OTUD4: variants seen among roughly 807,000 people sequenced by gnomAD.
OTUD4 encodes the protein OTU domain-containing protein 4.
Under a neutral mutation model 130.4 loss-of-function variants are expected in OTUD4, and 24 were observed. The ratio of observed to expected loss-of-function variants is 0.18; its 90% CI spans 0.13 to 0.26. OTUD4 has a LOEUF of 0.26. Ranked by LOEUF, OTUD4 falls within the 10% of genes least tolerant of loss-of-function variation. The probability of loss-of-function intolerance (pLI) is 1.00; values close to 1 mark genes in which losing one functional copy is unlikely to be tolerated. For synonymous variants in OTUD4, 420 were observed against 472.5 expected (o/e 0.89, Z 1.44); for missense variants, 1,031 against 1,329.4 (o/e 0.78, Z 3.49).
At chr4:145,156,950 T>A (rs1396873357) in intron 7 of OTUD4, among the ~76,000 whole-genome samples, 1 of 152,114 alleles carries the variant, frequency 6.6e-6, no homozygotes, top group Admixed American at 6.6e-5. Flanking sequence ...CACCCAAGTA[T>A]ACAGAGGGCC....
Position 145,141,394 on chromosome 4 carries a change from C to G in OTUD4, c.2068G>C (p.Glu690Gln). ...VPPYSLCQTG[E>Q]DLPKDKNILR... ...AGGAGCTCACCTTTAGGTAGGTCCT[C>G]CCCAGTCTGACACAGTGAATAAGGT... The change falls in exon 19 of 21, where the codon GAG becomes CAG. Residue 690 changes from glutamate to glutamine, a missense_variant. Coordinates refer to ENST00000447906, the MANE Select transcript of OTUD4 (RefSeq NM_001366057.1). 6.2e-7 allele frequency: 1 copy of G among 1,608,096 alleles called. No individual in the cohort carries two copies. Among genetic ancestry groups the G allele is most frequent in the South Asian group, 1.1e-5 (1 of 89,890 alleles).
At chr4:145,140,135 C>CTGT (rs1467923967) in intron 19 of OTUD4, 144 bp from the exon 20 acceptor site, 4 of 352,636 alleles carry the variant, frequency 1.1e-5, no homozygotes, top group Non-Finnish European at 2.1e-5. Flanking sequence ...TAGATAAAAA[C>CTGT]TGTAATATAA....
intron 10 of OTUD4, among the ~76,000 whole-genome samples, chr4:145,154,559 GTTTTGT>G (rs1469991806): frequency 6.6e-6 from 1 of 152,156 alleles, no homozygotes; most frequent in Admixed American, 6.5e-5. Flanking sequence ...GTATGTGGGG[GTTTTGT>G]TTTTGTTTTT....
At chr4:145,179,686 G>A (rs1752598099) in intron 1 of OTUD4, 129 bp downstream of exon 1, 3 of 1,406,936 alleles carry the variant, frequency 2.1e-6, no homozygotes, top group African/African-American at 1.5e-5. Flanking sequence ...ATGGGGCGCT[G>A]TGACGACAGC....
Position 145,138,364 on chromosome 4 carries a change from C to T in OTUD4, c.2411G>A (p.Ser804Asn). 6.2e-7 allele frequency: 1 copy of T among 1,614,170 alleles called. No individual in the cohort carries two copies. Among genetic ancestry groups the T allele is most frequent in the Non-Finnish European group, 8.5e-7 (1 of 1,180,012 alleles). ...AGCCTGGTAAGACAATTGTCCATGA[C>T]TTTCAGACACCTGAGATGGAGGGAT... is the stretch of plus-strand genomic sequence containing the variant. ...LVIPPSQVSE[S>N]HGQLSYQADL... is the part of the protein sequence containing the mutation. Residue 804 changes from serine to asparagine, a missense_variant, in exon 21 of 21, where the codon AGT (serine) becomes AAT (asparagine). Physicochemically the swap from Ser to Asn is conservative, Grantham distance 46. Around this residue, in one of 3 missense-constraint regions of OTUD4, gnomAD observed 900 missense variants for 1,095.9 expected, o/e 0.82. Transcript: ENST00000447906.
intron 7 of OTUD4, chr4:145,159,221 C>T (rs1751437021): frequency 8.6e-7 from 1 of 1,156,204 alleles, no homozygotes; most frequent in African/African-American, 1.6e-5. Flanking sequence ...ACAATACACA[C>T]ACATATAGGT....
chr4:145,155,829 C>G (rs1319148366), intron 8 of OTUD4, 107 bp downstream of exon 8: 7 of 1,030,034 alleles, frequency 6.8e-6, no homozygotes, highest in East Asian at 2.5e-5. Flanking sequence ...AGTAGATGAT[C>G]CTGACTTGAC....
At chr4:145,166,758 T>G (rs1045811646) in intron 3 of OTUD4, among the ~76,000 whole-genome samples, 1 of 152,112 alleles carries the variant, frequency 6.6e-6, no homozygotes, top group African/African-American at 2.4e-5. Context: ...GAGAACCACT[T>G]GAAGCTGGGA....
intron 20 of OTUD4, among the ~76,000 whole-genome samples, chr4:145,138,893 T>C (rs968181201): frequency 7.9e-5 from 12 of 152,220 alleles, no homozygotes; most frequent in African/African-American, 2.9e-4. Context: ...CATAGGTTGA[T>C]AGGAGATAGT....
chr4:145,147,251 A>AT (rs895738092), intron 13 of OTUD4, among the ~76,000 whole-genome samples: 7 of 151,504 alleles, frequency 4.6e-5, no homozygotes, highest in Admixed American at 3.3e-4. Flanking sequence ...ATGTTATCTG[A>AT]TTTTTTTTTA....
At chr4:145,163,990 G>A (rs567879692) in intron 5 of OTUD4, among the ~76,000 whole-genome samples, 164 bp downstream of exon 5, 36 of 152,246 alleles carry the variant, frequency 2.4e-4, no homozygotes, top group African/African-American at 7.7e-4. Flanking sequence ...TTACAGGCAT[G>A]AGCCACCGCA....
chr4:145,171,706 T>C lies in OTUD4; in HGVS notation c.258A>G (p.Ser86=). Residue 86 remains serine, a synonymous_variant, in exon 3 of 21, where the codon TCA becomes TCG. Transcript: ENST00000447906. ...CCAAACGCTTTAAATATTCTTCAAA[T>C]GATCCTTCTATAAACTGCAAAAAAT... is the stretch of plus-strand genomic sequence containing the variant. ...REKFEAFIEG[S]FEEYLKRLEN... The C allele has an allele frequency of 2.2e-6, 3 of 1,370,258 alleles. No individual in the cohort carries two copies. Among genetic ancestry groups the C allele is most frequent in the East Asian group, 2.3e-5 (1 of 43,568 alleles). 84.9% of individuals were successfully genotyped at this position (1,370,258 alleles called of 1,614,324 possible). A position where few individuals can be genotyped will look rare whatever the true frequency, so the allele number is the denominator to read the frequency against.
Position 145,138,136 on chromosome 4 carries a change from A to G in OTUD4, c.2639T>C (p.Ile880Thr). Residue 880 changes from isoleucine (I) to threonine (T), a missense_variant, in exon 21 of 21, where the codon ATT (isoleucine) becomes ACT (threonine). Ile to Thr is a moderately conservative substitution (Grantham distance 89). This residue lies in a region of OTUD4 where 900 missense variants were observed against 1,095.9 expected (regional missense o/e 0.82). Transcript: ENST00000447906. ...FIENPVMRQN[I>T]VLPSDEKGEL... Reference sequence around the variant, plus strand: ...TCCTTTTTCATCAGAGGGCAGGACAATATTCTGCCTCATTACTGGATTTTC... The same window carrying G: ...TCCTTTTTCATCAGAGGGCAGGACAGTATTCTGCCTCATTACTGGATTTTC... The G allele has an allele frequency of 6.2e-7, 1 of 1,613,822 alleles. No individual in the cohort carries two copies.
chr4:145,148,136 AC>A (rs891621514), intron 13 of OTUD4, among the ~76,000 whole-genome samples: 1 of 152,200 alleles, frequency 6.6e-6, no homozygotes, highest in African/African-American at 2.4e-5. Flanking sequence ...ATACCAAGTA[AC>A]ACATATAGCT....
At chr4:145,155,383 C>A (rs372150223) in intron 10 of OTUD4, 28 bp downstream of exon 10, 16 of 1,576,966 alleles carry the variant, frequency 1.0e-5, no homozygotes, top group South Asian at 4.6e-5. Flanking sequence ...CAAGTAAAAT[C>A]TCTTCTTCTT....
chr4:145,156,060 C>T, intron 7 of OTUD4, 64 bp from the exon 8 acceptor site: 2 of 1,280,520 alleles, frequency 1.6e-6, no homozygotes, highest in East Asian at 2.3e-5. Flanking sequence ...ACCTTCTAAC[C>T]TCATCTAAAC....
At position 145,136,095 on chromosome 4, in the gene OTUD4, A is replaced by C. The variant is rs1232467289; in HGVS notation, c.*1335T>G. 1 of 152,602 alleles carries C rather than the reference A, an allele frequency of 6.6e-6. No individual in the cohort carries two copies. Among genetic ancestry groups the C allele is most frequent in the African/African-American group, 2.4e-5 (1 of 41,452 alleles). The allele number at this position is 152,602 out of a possible 1,614,324, so 9.5% of individuals were successfully genotyped here. On this transcript the variant is annotated 3_prime_UTR_variant, in exon 21 of 21. Coordinates refer to ENST00000447906, the MANE Select transcript of OTUD4 (RefSeq NM_001366057.1). ...AACTTCCTGATCAGAAGATAATCTC[A>C]ACATAATAAAAGAGTGGATTTTCAC...
chr4:145,159,947 A>G lies in OTUD4; in HGVS notation c.497-312T>C, dbSNP rs78731153. Among the ~76,000 whole-genome samples, 20 of 152,332 alleles carry G rather than the reference A, an allele frequency of 1.3e-4. No homozygotes were observed. In the East Asian group the frequency reaches 2.9e-3, roughly 22 times the overall value. The stretch of plus-strand genomic sequence containing the variant: ...CAACAGGAAAAGCCAAAACACACAC[A>G]CTGAGCAATTATTACTACTACATTC... On this transcript the variant is annotated intron_variant, in intron 6 of 20. Transcript: ENST00000447906.
chr4:145,164,315 C>T (rs529070285), intron 4 of OTUD4, 89 bp from the exon 5 acceptor site: 68 of 625,428 alleles, frequency 1.1e-4, no homozygotes, highest in African/African-American at 1.1e-3. Context: ...GGGCCTAATA[C>T]GTGCCAGGCA....
Sources: gnomAD v4.1 joint callset for allele counts (sites outside exome capture counted in the v4.1 genomes callset) on GRCh38, gnomAD v4.1.1 for gene constraint, gnomAD v4.1.1 regional missense constraint, MANE v1.5 for transcripts, NCBI Gene and HGNC (gene_info 2026-07-23, HGNC 2026-07-21) for gene names.